Variants in FARS2 observed in about 807,000 individuals in gnomAD.
The protein encoded by FARS2 is phenylalanyl-tRNA synthetase 2, mitochondrial.
A neutral mutation model predicts 46.4 loss-of-function variants in FARS2; 40 were observed. The observed-to-expected ratio is 0.86, with a 90% CI of 0.67 to 1.12. FARS2 has a LOEUF of 1.12. Among genes scored for constraint, FARS2 ranks in the 50% most tolerant of loss-of-function variants. FARS2 has a pLI of 0.00. For synonymous variants in FARS2, 234 were observed against 214.9 expected (o/e 1.09, Z -0.78); for missense variants, 513 against 567.9 (o/e 0.90, Z 0.98).
intron 6 of FARS2, among the ~76,000 whole-genome samples, chr6:5,628,038 T>C (rs1436563945): frequency 1.3e-5 from 2 of 152,112 alleles, no homozygotes; most frequent in African/African-American, 2.4e-5. Context: ...AGAGAAGGGA[T>C]TTTAACGAGG....
At chr6:5,573,432 G>A (rs954005761) in intron 5 of FARS2, among the ~76,000 whole-genome samples, 11 of 152,082 alleles carry the variant, frequency 7.2e-5, no homozygotes, top group South Asian at 2.1e-4. Flanking sequence ...ATATAGACAC[G>A]TGTGTGTATA....
intron 1 of FARS2, among the ~76,000 whole-genome samples, chr6:5,273,593 CT>C (rs1766119654): frequency 6.6e-6 from 1 of 152,014 alleles, no homozygotes; most frequent in African/African-American, 2.4e-5. Flanking sequence ...TTTGCAAATA[CT>C]TTTTCCTATT....
At position 5,261,579 on chromosome 6, in the gene FARS2, AT is replaced by A. The variant is rs1003809900; in HGVS notation, c.-101del. On this transcript the variant is annotated 5_prime_UTR_variant, in exon 1 of 7. Transcript: ENST00000274680. The stretch of plus-strand genomic sequence containing the variant: ...GGTATCTCTGAAGTTGGGGTTTAAG[AT>A]TCTTGCCCGTGAGAGCGAACGAGCC... 4.5e-4 allele frequency: 69 copies of A among 152,484 alleles called. 1 individual carries two copies. The highest frequency in any genetic ancestry group is 1.6e-3 in the African/African-American group (66 of 41,560). 9.4% of individuals were successfully genotyped at this position (152,484 alleles called of 1,614,324 possible).
intron 1 of FARS2, among the ~76,000 whole-genome samples, chr6:5,367,306 T>G (rs1311594830): frequency 6.6e-6 from 1 of 152,256 alleles, no homozygotes; most frequent in Non-Finnish European, 1.5e-5. Context: ...CATAGTTGTA[T>G]GCTTTAAAAT....
chr6:5,603,725 T>C (rs1012082950), intron 5 of FARS2, among the ~76,000 whole-genome samples: 1 of 152,230 alleles, frequency 6.6e-6, no homozygotes, highest in African/African-American at 2.4e-5. Flanking sequence ...ACCAGTCATA[T>C]TGCATTAGGG....
chr6:5,665,145 A>T (rs1298231700), intron 6 of FARS2: 3 of 152,244 alleles, frequency 2.0e-5, no homozygotes, highest in Admixed American at 2.0e-4. Flanking sequence ...GGGCGGTCAC[A>T]TGAGACCATT....
At chr6:5,530,367 A>G (rs1421648623) in intron 4 of FARS2, among the ~76,000 whole-genome samples, 2 of 152,194 alleles carry the variant, frequency 1.3e-5, no homozygotes, top group Non-Finnish European at 2.9e-5. Context: ...AAGACTAAAG[A>G]GACATGATAT....
At chr6:5,320,135 C>T (rs183432165) in intron 1 of FARS2, among the ~76,000 whole-genome samples, 3 of 152,278 alleles carry the variant, frequency 2.0e-5, no homozygotes, top group Admixed American at 2.0e-4. Context: ...GGAGAAGAGT[C>T]CATGGGTTTC....
intron 1 of FARS2, among the ~76,000 whole-genome samples, chr6:5,307,399 G>A (rs1768782550): frequency 6.6e-6 from 1 of 152,098 alleles, no homozygotes; most frequent in African/African-American, 2.4e-5. Flanking sequence ...TTGTGCATTA[G>A]TTCTTTGGGA....
chr6:5,462,320 C>G (rs1197084466), intron 4 of FARS2, among the ~76,000 whole-genome samples: 1 of 151,780 alleles, frequency 6.6e-6, no homozygotes. Context: ...TGTATGATTG[C>G]TTATATTTTC....
rs760473865 is a variant in FARS2, at chr6:5,771,259, C to G, written c.1218-32C>G. 1.3e-5 allele frequency: 21 copies of G among 1,613,402 alleles called. No homozygotes were observed. The South Asian group carries it at 2.1e-4, about 16-fold the overall frequency. The stretch of plus-strand genomic sequence containing the variant: ...CCTTCAGGCACAGCCTTGTTCATCC[C>G]GCACTCACCTGTGTTCTCTTCCTCT... On this transcript the variant is annotated intron_variant, in intron 6 of 6. Transcript: ENST00000274680.
intron 6 of FARS2, among the ~76,000 whole-genome samples, chr6:5,701,641 G>A (rs1311444457): frequency 6.6e-6 from 1 of 152,140 alleles, no homozygotes; most frequent in Non-Finnish European, 1.5e-5. Flanking sequence ...CAGGACTTTT[G>A]TTTTTCATTA....
chr6:5,252,696 C>T, the FARS2 span, among the ~76,000 whole-genome samples: 1 of 152,240 alleles, frequency 6.6e-6, no homozygotes, highest in East Asian at 1.9e-4. Context: ...AAGTTTTGGT[C>T]AATGAGCAAA....
intron 5 of FARS2, among the ~76,000 whole-genome samples, chr6:5,548,562 G>T (rs1034823508): frequency 2.6e-5 from 4 of 152,016 alleles, no homozygotes; most frequent in African/African-American, 2.4e-5. Context: ...TTAATATATT[G>T]TCAGTTATTT....
chr6:5,335,696 A>T (rs759434519), intron 1 of FARS2, among the ~76,000 whole-genome samples: 1 of 152,222 alleles, frequency 6.6e-6, no homozygotes, highest in Non-Finnish European at 1.5e-5. Flanking sequence ...TAAGAGTGTC[A>T]TAAATGAGTT....
chr6:5,715,054 C>G (rs1452024724), intron 6 of FARS2, among the ~76,000 whole-genome samples: 2 of 151,992 alleles, frequency 1.3e-5, no homozygotes, highest in Non-Finnish European at 2.9e-5. Context: ...AATTTGATGT[C>G]CAGTGAACAT....
chr6:5,644,700 C>T (rs991937400), intron 6 of FARS2, among the ~76,000 whole-genome samples: 3 of 152,328 alleles, frequency 2.0e-5, no homozygotes, highest in African/African-American at 7.2e-5. Flanking sequence ...CTTGGACATT[C>T]TGAAGTTTGA....
chr6:5,647,573 A>C (rs558502154), intron 6 of FARS2, among the ~76,000 whole-genome samples: 6 of 152,360 alleles, frequency 3.9e-5, no homozygotes, highest in African/African-American at 1.2e-4. Flanking sequence ...CTGTATCAAA[A>C]TGGAAGATAG....
intron 6 of FARS2, among the ~76,000 whole-genome samples, chr6:5,646,434 C>G (rs1777077860): frequency 6.6e-6 from 1 of 152,176 alleles, no homozygotes. Flanking sequence ...CACACAGTCT[C>G]ATGGTCCACT....
Sources: gnomAD v4.1 joint callset for allele counts (sites outside exome capture counted in the v4.1 genomes callset) on GRCh38, gnomAD v4.1.1 for gene constraint, MANE v1.5 for transcripts, NCBI Gene and HGNC (gene_info 2026-07-23, HGNC 2026-07-21) for gene names.